Variants in SLC30A7 observed in about 807,000 individuals in gnomAD.
SLC30A7 encodes solute carrier family 30 member 7.
SLC30A7 carries 35 observed loss-of-function variants against 46.0 expected under a neutral mutation model. That is an observed-to-expected ratio of 0.76 (90% CI 0.58 to 1.01). The LOEUF (loss-of-function observed/expected upper bound fraction) is 1.01, where lower values mean the gene tolerates loss of function less well. Ranked by LOEUF, SLC30A7 falls within the 50% of genes least tolerant of loss-of-function variation. The probability of loss-of-function intolerance (pLI) is 0.00; values close to 1 mark genes in which losing one functional copy is unlikely to be tolerated. For missense variants in SLC30A7, 464 were observed against 451.1 expected (o/e 1.03, Z -0.26); for synonymous variants, 147 against 157.8 (o/e 0.93, Z 0.51).
intron 8 of SLC30A7, among the ~76,000 whole-genome samples, chr1:100,927,617 C>T (rs993127668): frequency 8.5e-5 from 13 of 152,118 alleles, no homozygotes; most frequent in African/African-American, 2.9e-4. Context: ...TGCAAACAAC[C>T]AGAATAGTTG....
intron 9 of SLC30A7, among the ~76,000 whole-genome samples, chr1:100,965,217 G>A (rs977007074): frequency 6.6e-6 from 1 of 152,056 alleles, no homozygotes; most frequent in African/African-American, 2.4e-5. Context: ...CTCTTTCTTT[G>A]TAAACTGCTG....
chr1:100,946,715 A>G (rs917774873), intron 8 of SLC30A7, among the ~76,000 whole-genome samples: 1 of 152,148 alleles, frequency 6.6e-6, no homozygotes, highest in Non-Finnish European at 1.5e-5. Flanking sequence ...TTTTGCATCG[A>G]TGTTCATTAA....
intron 8 of SLC30A7, among the ~76,000 whole-genome samples, chr1:100,932,978 C>CTTTTTTTT (rs995801710): frequency 7.2e-6 from 1 of 138,092 alleles, no homozygotes; most frequent in Non-Finnish European, 1.6e-5. Flanking sequence ...TTTCTTTTTT[C>CTTTTTTTT]TTTTTTTTTT....
At chr1:100,947,938 G>A (rs1337500063) in intron 8 of SLC30A7, among the ~76,000 whole-genome samples, 2 of 152,148 alleles carry the variant, frequency 1.3e-5, no homozygotes, top group African/African-American at 2.4e-5. Flanking sequence ...GAGCCGATAT[G>A]TGTCTCTGCA....
intron 8 of SLC30A7, among the ~76,000 whole-genome samples, chr1:100,922,053 A>G (rs1279908961): frequency 1.4e-5 from 2 of 147,268 alleles, no homozygotes; most frequent in African/African-American, 2.5e-5. Context: ...TCCTGGGTTG[A>G]AGCAATTCTC....
At position 100,921,834 on chromosome 1, in the gene SLC30A7, G is replaced by T. The variant is rs1210721153; in HGVS notation, c.835G>T (p.Val279Phe). 6.2e-7 allele frequency: 1 copy of T among 1,603,790 alleles called. No homozygotes were observed. Among genetic ancestry groups the T allele is most frequent in the East Asian group, 2.3e-5 (1 of 44,228 alleles). Residue 279 changes from valine to phenylalanine, a missense_variant, in exon 8 of 11, where the codon GTT becomes TTT. Coordinates refer to ENST00000357650, the MANE Select transcript of SLC30A7 (RefSeq NM_133496.5). The part of the protein sequence containing the change: ...ICSILIAILI[V>F]VSVIPLLRES... ...TTCAATTCTTATAGCCATTCTTATA[G>T]TTGTAAGGTAAGTGTTATTGTTACT...
At chr1:100,960,950 T>G (rs933590592) in intron 8 of SLC30A7, among the ~76,000 whole-genome samples, 22 of 139,072 alleles carry the variant, frequency 1.6e-4, no homozygotes, top group South Asian at 1.2e-3. Context: ...TTTGTGTGTT[T>G]TTTTTTTTTT....
Position 100,896,598 on chromosome 1 carries a change from A to T in SLC30A7, c.109A>T (p.Asn37Tyr). The T allele has an allele frequency of 6.2e-7, 1 of 1,614,022 alleles. No homozygotes were observed. The highest frequency in any genetic ancestry group is 8.5e-7 in the Non-Finnish European group (1 of 1,179,990). ...TATACTGTCCGACAAGACTTCCCGGAACCTGTTTTTCTTCCTGTGCCTGAA... is the reference window on the plus strand; with the variant it reads ...TATACTGTCCGACAAGACTTCCCGGTACCTGTTTTTCTTCCTGTGCCTGAA... ...RSILSDKTSRNLFFFLCLNLS... is the reference protein window; with the variant it reads ...RSILSDKTSRYLFFFLCLNLS... The change falls in exon 2 of 11, where the codon AAC becomes TAC. Residue 37 changes from asparagine to tyrosine, a missense_variant. Coordinates refer to ENST00000357650, the MANE Select transcript of SLC30A7 (RefSeq NM_133496.5).
Position 100,896,101 on chromosome 1 carries a change from A to G in SLC30A7, c.-162A>G. On this transcript the variant is annotated 5_prime_UTR_variant, in exon 1 of 11. Transcript: ENST00000357650. ...GCGCGGCCCGGGCCGGAAGTAAGCG[A>G]ATTCCCGGGTGTGTGTCTGTGTCTG... 3.1e-6 allele frequency: 2 copies of G among 651,614 alleles called. No homozygotes were observed. The highest frequency in any genetic ancestry group is 3.6e-5 in the South Asian group (2 of 55,906). 40.4% of individuals were successfully genotyped at this position (651,614 alleles called of 1,614,324 possible). A position where few individuals can be genotyped will look rare whatever the true frequency, so the allele number is the denominator to read the frequency against.
intron 2 of SLC30A7, among the ~76,000 whole-genome samples, chr1:100,899,741 A>T (rs182174399): frequency 2.0e-5 from 3 of 152,292 alleles, no homozygotes; most frequent in Admixed American, 6.5e-5. Flanking sequence ...TTCATTTCCA[A>T]GATGGGTGCT....
At chr1:100,913,852 A>G (rs930379194) in intron 6 of SLC30A7, 46 bp downstream of exon 6, 4 of 1,569,988 alleles carry the variant, frequency 2.5e-6, no homozygotes, top group Non-Finnish European at 3.5e-6. Context: ...AATAAACAAG[A>G]GTTTTGTGGA....
chr1:100,965,074 T>G (rs1382118176), intron 9 of SLC30A7, among the ~76,000 whole-genome samples: 2 of 152,210 alleles, frequency 1.3e-5, no homozygotes, highest in Non-Finnish European at 2.9e-5. Context: ...ATCTCAGAAC[T>G]GAAAAAGATC....
At chr1:100,906,420 T>G (rs1319485441) in intron 2 of SLC30A7, among the ~76,000 whole-genome samples, 1 of 152,168 alleles carries the variant, frequency 6.6e-6, no homozygotes, top group East Asian at 1.9e-4. Context: ...CCCACTGTCC[T>G]CAGCCTGGTA....
chr1:100,965,378 C>T (rs1366008662), intron 9 of SLC30A7, among the ~76,000 whole-genome samples: 1 of 152,200 alleles, frequency 6.6e-6, no homozygotes, highest in Non-Finnish European at 1.5e-5. Flanking sequence ...GGGAATACAT[C>T]TAATGTTTCA....
intron 10 of SLC30A7, among the ~76,000 whole-genome samples, chr1:100,967,174 T>G (rs1558008785): frequency 6.6e-6 from 1 of 152,212 alleles, no homozygotes; most frequent in Non-Finnish European, 1.5e-5. Flanking sequence ...CAAAAAACCC[T>G]AGACATTGAT....
rs1422947267 is a variant in SLC30A7 at position 100,962,012 on chromosome 1, T to A, written c.933+94T>A. On this transcript the variant is annotated intron_variant, in intron 9 of 10. Coordinates refer to ENST00000357650, the MANE Select transcript of SLC30A7 (RefSeq NM_133496.5). ...AAATATGGGTAACATGTGTGTATAA[T>A]TGACTGTTTCTTCCAAGATTGAATG... The A allele has an allele frequency of 2.9e-5, 19 of 649,332 alleles. No homozygotes were observed. In the South Asian group the frequency reaches 4.8e-4, roughly 16 times the overall value. The allele number at this position is 649,332 out of a possible 1,614,324, so 40.2% of individuals were successfully genotyped here. A position where few individuals can be genotyped will look rare whatever the true frequency, so the allele number is the denominator to read the frequency against.
At chr1:100,932,530 A>G (rs1473436904) in intron 8 of SLC30A7, among the ~76,000 whole-genome samples, 2 of 152,218 alleles carry the variant, frequency 1.3e-5, no homozygotes. Flanking sequence ...ATAACTAGAT[A>G]TATACGTTAG....
At chr1:100,938,020 A>G (rs1336287116) in intron 8 of SLC30A7, among the ~76,000 whole-genome samples, 4 of 152,210 alleles carry the variant, frequency 2.6e-5, no homozygotes, top group Admixed American at 6.5e-5. Context: ...TTGCCTTGGC[A>G]TCTATGTTGA....
rs1377587098 is a variant in SLC30A7, at chr1:100,958,307, G to T, written c.843-3521G>T. 3.3e-5 allele frequency among the ~76,000 whole-genome samples: 5 copies of T among 152,094 alleles called. No homozygotes were observed. The East Asian group carries it at 9.6e-4, about 29-fold the overall frequency. On this transcript the variant is annotated intron_variant, in intron 8 of 10. Coordinates refer to ENST00000357650, the MANE Select transcript of SLC30A7 (RefSeq NM_133496.5). ...TTCTCCTGCCTCAGCCTCCTGAGTAGCTGGGACCACAGGCGCCGGCCATCA... is the reference window on the plus strand; with the variant it reads ...TTCTCCTGCCTCAGCCTCCTGAGTATCTGGGACCACAGGCGCCGGCCATCA...
Sources: allele counts gnomAD v4.1 joint callset (sites outside exome capture counted in the v4.1 genomes callset), GRCh38; gene constraint gnomAD v4.1.1; transcripts MANE v1.5; gene names NCBI Gene and HGNC (gene_info 2026-07-23, HGNC 2026-07-21).